CDK17: variants seen among roughly 807,000 people sequenced by gnomAD.
CDK17 encodes cyclin-dependent kinase 17.
CDK17 carries 24 observed loss-of-function variants against 77.6 expected under a neutral mutation model. That is an observed-to-expected ratio of 0.31 (90% CI 0.22 to 0.44). The LOEUF is 0.44. CDK17 is among the 20% of genes least tolerant of loss of function. CDK17 has a pLI of 1.00. For missense variants in CDK17, 429 were observed against 622.5 expected, an observed-to-expected ratio of 0.69 and a Z score of 3.31; for synonymous variants, 203 against 210.4, an observed-to-expected ratio of 0.96 and a Z score of 0.30.
Position 96,297,803 on chromosome 12 carries a change from A to G in CDK17, c.716-82T>C, listed in dbSNP as rs1009868657. The stretch of plus-strand genomic sequence containing the variant: ...AGTAAGTTGAACATACGAACTGATT[A>G]AAAGATTCTCTTAAGTTTAGGTCTT... On this transcript the variant is annotated intron_variant, in intron 7 of 16. Transcript: ENST00000261211. 1.6e-5 allele frequency: 12 copies of G among 750,148 alleles called. No homozygotes were observed. The South Asian group carries it at 1.9e-4, about 12-fold the overall frequency. 46.5% of individuals were successfully genotyped at this position (750,148 alleles called of 1,614,324 possible). A position where few individuals can be genotyped will look rare whatever the true frequency, so the allele number is the denominator to read the frequency against.
intron 1 of CDK17, among the ~76,000 whole-genome samples, chr12:96,362,658 T>G (rs747810859): frequency 3.9e-5 from 6 of 152,232 alleles, no homozygotes; most frequent in Non-Finnish European, 8.8e-5. Context: ...CAGTCTCTGC[T>G]AAATACTTTT....
intron 2 of CDK17, among the ~76,000 whole-genome samples, chr12:96,328,023 T>C (rs553637585): frequency 1.1e-4 from 17 of 152,276 alleles, no homozygotes; most frequent in African/African-American, 3.6e-4. Context: ...AGGTGAGCAG[T>C]TGGCAAGTGA....
intron 1 of CDK17, among the ~76,000 whole-genome samples, chr12:96,381,535 C>G (rs1953881391): frequency 6.6e-6 from 1 of 151,946 alleles, no homozygotes; most frequent in Admixed American, 6.6e-5. Flanking sequence ...TTCTAGTGAG[C>G]TGAAAGGATC....
At chr12:96,306,066 G>A (rs1952573203) in intron 5 of CDK17, among the ~76,000 whole-genome samples, 2 of 152,072 alleles carry the variant, frequency 1.3e-5, no homozygotes, top group African/African-American at 4.8e-5. Flanking sequence ...TCTGCTTACA[G>A]TAAGAGAGGA....
At chr12:96,372,892 C>T (rs1421153830) in intron 1 of CDK17, among the ~76,000 whole-genome samples, 1 of 152,110 alleles carries the variant, frequency 6.6e-6, no homozygotes, top group Non-Finnish European at 1.5e-5. Flanking sequence ...TTTGAATTAA[C>T]CAGAATTCTG....
chr12:96,389,131 A>ATT (rs200539111), intron 1 of CDK17, among the ~76,000 whole-genome samples: 9 of 142,584 alleles, frequency 6.3e-5, no homozygotes, highest in Admixed American at 2.1e-4. Flanking sequence ...TGCTCAACTA[A>ATT]TTTTTTTTTT....
intron 4 of CDK17, among the ~76,000 whole-genome samples, chr12:96,312,283 C>T (rs1219466197): frequency 1.3e-5 from 2 of 151,818 alleles, no homozygotes; most frequent in African/African-American, 2.4e-5. Flanking sequence ...TCTCATAAAC[C>T]AGAAAAAAAT....
chr12:96,280,365 C>T (rs2137058542), intron 16 of CDK17, 86 bp from the exon 17 acceptor site: 1 of 1,520,334 alleles, frequency 6.6e-7, no homozygotes, highest in East Asian at 2.5e-5. Flanking sequence ...AGCTAATGTT[C>T]CCACCAGCAA....
chr12:96,386,965 G>A (rs1042492183), intron 1 of CDK17: 1 of 266,828 alleles, frequency 3.7e-6, no homozygotes, highest in Non-Finnish European at 8.0e-6. Context: ...ACATCCACAA[G>A]TAGTGTATCC....
rs138298279 is a variant in CDK17, at chr12:96,332,846, T to A, written c.118+1873A>T. On this transcript the variant is annotated intron_variant, in intron 2 of 16. Coordinates refer to ENST00000261211, the MANE Select transcript of CDK17 (RefSeq NM_002595.5). Reference sequence around the variant, plus strand: ...TACAACTTGAGAAAACAAATATTTTTAATCTTTCACCATTTGTTAAAAACA... The same window carrying A: ...TACAACTTGAGAAAACAAATATTTTAAATCTTTCACCATTTGTTAAAAACA... Among the ~76,000 whole-genome samples the A allele has an allele frequency of 2.0e-3, 299 of 152,352 alleles. 3 individuals carry two copies. The highest frequency in any genetic ancestry group is 1.5e-3 in the Non-Finnish European group (99 of 68,034).
chr12:96,323,294 A>C (rs761399140), intron 3 of CDK17, among the ~76,000 whole-genome samples: 2 of 150,528 alleles, frequency 1.3e-5, no homozygotes, highest in South Asian at 2.1e-4. Flanking sequence ...ACAAAAACAA[A>C]CAAACAAACA....
chr12:96,398,877 T>C (rs574607697), intron 1 of CDK17, among the ~76,000 whole-genome samples: 2 of 152,256 alleles, frequency 1.3e-5, no homozygotes, highest in South Asian at 2.1e-4. Context: ...GACATATTCA[T>C]GTAAAGGAGG....
At chr12:96,309,381 G>A (rs1030997131) in intron 5 of CDK17, among the ~76,000 whole-genome samples, 8 of 152,178 alleles carry the variant, frequency 5.3e-5, no homozygotes, top group African/African-American at 1.9e-4. Flanking sequence ...TTTACTTGCT[G>A]CCTCTTTTGT....
At chr12:96,352,785 A>G (rs1368682084) in intron 1 of CDK17, among the ~76,000 whole-genome samples, 1 of 152,226 alleles carries the variant, frequency 6.6e-6, no homozygotes, top group Admixed American at 6.5e-5. Context: ...AAGAGCAAAG[A>G]TGTAATATGA....
chr12:96,368,209 T>C (rs1592757876), intron 1 of CDK17, among the ~76,000 whole-genome samples: 1 of 152,204 alleles, frequency 6.6e-6, no homozygotes, highest in East Asian at 1.9e-4. Context: ...AACTGGAAGA[T>C]GGTATTCTGA....
intron 2 of CDK17, among the ~76,000 whole-genome samples, chr12:96,330,300 A>C (rs893314467): frequency 2.6e-5 from 4 of 152,236 alleles, no homozygotes; most frequent in African/African-American, 9.6e-5. Flanking sequence ...ACAGCAAAAA[A>C]AAAAAAGACA....
At chr12:96,302,018 T>A (rs1181864740) in intron 5 of CDK17, among the ~76,000 whole-genome samples, 1 of 152,156 alleles carries the variant, frequency 6.6e-6, no homozygotes, top group African/African-American at 2.4e-5. Context: ...ATTGAATGAA[T>A]GAAAAATTAT....
intron 11 of CDK17, among the ~76,000 whole-genome samples, chr12:96,287,193 G>A (rs1331088207): frequency 6.6e-6 from 1 of 152,158 alleles, no homozygotes; most frequent in African/African-American, 2.4e-5. Flanking sequence ...AGTGAGTGAA[G>A]CTAGGCAGGA....
chr12:96,350,081 T>C (rs569816837), intron 1 of CDK17, among the ~76,000 whole-genome samples: 1 of 152,306 alleles, frequency 6.6e-6, no homozygotes, highest in East Asian at 1.9e-4. Flanking sequence ...GATAGACTTA[T>C]ATGCTGAAAA....
Sources: gnomAD v4.1 joint callset for allele counts (sites outside exome capture counted in the v4.1 genomes callset) on GRCh38, gnomAD v4.1.1 for gene constraint, MANE v1.5 for transcripts, NCBI Gene and HGNC (gene_info 2026-07-23, HGNC 2026-07-21) for gene names.